Variants in VSIG8 observed in about 807,000 individuals in gnomAD.
VSIG8 encodes the protein V-set and immunoglobulin domain containing 8.
Under a neutral mutation model 42.6 loss-of-function variants are expected in VSIG8, and 32 were observed. That is an observed-to-expected ratio of 0.75 (90% confidence interval 0.57 to 1.01). VSIG8 has a LOEUF of 1.01. Ranked by LOEUF, VSIG8 falls within the 50% of genes least tolerant of loss-of-function variation. The pLI is 0.00. For synonymous variants in VSIG8, 290 were observed against 243.8 expected (o/e 1.19, Z -1.77); for missense variants, 529 against 558.0 (o/e 0.95, Z 0.52).
chr1:159,859,947 C>T (rs1207522661), intron 1 of VSIG8, among the ~76,000 whole-genome samples: 2 of 152,046 alleles, frequency 1.3e-5, no homozygotes, highest in South Asian at 2.1e-4. Flanking sequence ...TATCCCCAAC[C>T]GGTTGGACCT....
Position 159,854,820 on chromosome 1 carries a change from A to T in VSIG8, c.1178T>A (p.Val393Asp), listed in dbSNP as rs1648747877. The change falls in exon 7 of 7, where the codon GTC (valine) becomes GAC (aspartate). Residue 393 changes from valine (V) to aspartate (D), a missense_variant. Physicochemically the swap from Val to Asp is radical, Grantham distance 152. Coordinates refer to ENST00000368100, the MANE Select transcript of VSIG8 (RefSeq NM_001013661.1). ...GCAGTCAGCCGGCTCCGCGCTCTTG[A>T]CCTTGACGTAGACCGGGGAGGGGCC... is the stretch of plus-strand genomic sequence containing the variant. ...EAGPSPVYVK[V>D]KSAEPADCAE... 1 of 1,501,360 alleles carries T rather than the reference A, an allele frequency of 6.7e-7. No homozygotes were observed. The highest frequency in any genetic ancestry group is 8.8e-7 in the Non-Finnish European group (1 of 1,132,698). The allele number at this position is 1,501,360 out of a possible 1,614,324, so 93.0% of individuals were successfully genotyped here. A position where few individuals can be genotyped will look rare whatever the true frequency, so the allele number is the denominator to read the frequency against.
rs774559632 is a variant in VSIG8 at position 159,858,186 on chromosome 1, T to C, written c.334A>G (p.Asn112Asp). 2 of 1,614,250 alleles carry C rather than the reference T, an allele frequency of 1.2e-6. No homozygotes were observed. The highest frequency in any genetic ancestry group is 2.2e-5 in the South Asian group (2 of 91,086). ...SDPSQYDASI[N>D]LMNLQVSDTA... is the part of the protein sequence containing the mutation. The stretch of plus-strand genomic sequence containing the variant: ...TCAGATACCTGCAGGTTCATGAGGT[T>C]GATGGAGGCATCGTACTGGCTTGGG... Residue 112 changes from asparagine to aspartate, a missense_variant, in exon 3 of 7, where the codon AAC (asparagine) becomes GAC (aspartate). By Grantham distance (23) the Asn-to-Asp change is conservative. Transcript: ENST00000368100.
intron 5 of VSIG8, 85 bp from the exon 6 acceptor site, chr1:159,856,166 G>A: frequency 1.4e-6 from 2 of 1,385,926 alleles, no homozygotes; most frequent in Admixed American, 4.2e-5. Flanking sequence ...GCCAGGTCAG[G>A]GGTTAATGGG....
chr1:159,855,625 A>C (rs1049329678), intron 6 of VSIG8: 1 of 978,836 alleles, frequency 1.0e-6, no homozygotes, highest in African/African-American at 1.8e-5. Context: ...CCAGGAGCTT[A>C]CAGTCTAGAC....
chr1:159,857,717 C>A (rs561162388), intron 4 of VSIG8, 28 bp downstream of exon 4: 1 of 1,599,590 alleles, frequency 6.3e-7, no homozygotes, highest in Middle Eastern at 1.7e-4. Flanking sequence ...CACTCACCCC[C>A]GACTGCCCTC....
intron 5 of VSIG8, 37 bp from the exon 6 acceptor site, chr1:159,856,118 C>T (rs765554230): frequency 1.9e-6 from 3 of 1,584,860 alleles, no homozygotes; most frequent in Non-Finnish European, 1.7e-6. Flanking sequence ...GGCTTTCTCA[C>T]AGCCTGGCAG....
intron 6 of VSIG8, chr1:159,855,406 C>T: frequency 1.4e-6 from 2 of 1,423,984 alleles, no homozygotes; most frequent in Non-Finnish European, 1.8e-6. Flanking sequence ...TCTTTCTCAC[C>T]TCCTGCCCCT....
chr1:159,860,109 T>C (rs1435737670), intron 1 of VSIG8, among the ~76,000 whole-genome samples: 2 of 152,210 alleles, frequency 1.3e-5, no homozygotes, highest in African/African-American at 4.8e-5. Context: ...ACATGTCTTC[T>C]GGAGTCACAG....
In VSIG8 at chr1:159,854,629, C is replaced by A; in HGVS notation, c.*124G>T. The A allele has an allele frequency of 7.5e-7, 1 of 1,338,362 alleles. No individual in the cohort carries two copies. The highest frequency in any genetic ancestry group is 9.5e-7 in the Non-Finnish European group (1 of 1,048,874). 82.9% of individuals were successfully genotyped at this position (1,338,362 alleles called of 1,614,324 possible). ...GCATTTCCTTAGGGAAATGCCTTCA[C>A]CCCCAGCCGCCTGGCAGCCTGGGGC... is the stretch of plus-strand genomic sequence containing the variant. On this transcript the variant is annotated 3_prime_UTR_variant, in exon 7 of 7. Coordinates refer to ENST00000368100, the MANE Select transcript of VSIG8 (RefSeq NM_001013661.1).
In VSIG8 at chr1:159,862,654, G is replaced by A; in HGVS notation, c.-133C>T. 1.3e-6 allele frequency: 1 copy of A among 786,468 alleles called. No individual in the cohort carries two copies. 48.7% of individuals were successfully genotyped at this position (786,468 alleles called of 1,614,324 possible). ...GCCTGGGGTGGCAGGAAGGTGCAAT[G>A]AGTGCCCAGCTGGGGAGCAGCTGGA... On this transcript the variant is annotated 5_prime_UTR_variant, in exon 1 of 7. Coordinates refer to ENST00000368100, the MANE Select transcript of VSIG8 (RefSeq NM_001013661.1).
chr1:159,855,431 T>A, intron 6 of VSIG8: 2 of 1,416,186 alleles, frequency 1.4e-6, no homozygotes, highest in Non-Finnish European at 1.8e-6. Context: ...CTTCTCCATC[T>A]TTCCCTCCAT....
At chr1:159,861,288 G>A (rs1002216971) in intron 1 of VSIG8, 1 of 151,970 alleles carries the variant, frequency 6.6e-6, no homozygotes, top group African/African-American at 2.4e-5. Context: ...CTCAATAGTG[G>A]TGCCTACTCT....
At position 159,854,763 on chromosome 1, in the gene VSIG8, A is replaced by G; in HGVS notation, c.1235T>C (p.Leu412Pro). ...AEGPVQCKNG[L>P]LV ...GCCCGGCGCGCGCGCTCACACCAAGAGGCCGTTCTTGCACTGCACCGGCCC... is the reference window on the plus strand; with the variant it reads ...GCCCGGCGCGCGCGCTCACACCAAGGGGCCGTTCTTGCACTGCACCGGCCC... Residue 412 changes from leucine (L) to proline (P), a missense_variant, in exon 7 of 7, where the codon CTC (leucine) becomes CCC (proline). Leu to Pro is a moderately conservative substitution (Grantham distance 98). Coordinates refer to ENST00000368100, the MANE Select transcript of VSIG8 (RefSeq NM_001013661.1). 9.4e-6 allele frequency: 14 copies of G among 1,492,400 alleles called. No homozygotes were observed. Among genetic ancestry groups the G allele is most frequent in the Non-Finnish European group, 1.2e-5 (14 of 1,128,578 alleles). 92.4% of individuals were successfully genotyped at this position (1,492,400 alleles called of 1,614,324 possible).
In VSIG8 at chr1:159,854,663, T is replaced by C; in HGVS notation, c.*90A>G. On this transcript the variant is annotated 3_prime_UTR_variant, in exon 7 of 7. Transcript: ENST00000368100. ...GCCTGGCAGCCTGGGGCGAGCGAGG[T>C]CGTCCCCAGCCCCGACGTGTCCCCA... The C allele has an allele frequency of 7.4e-7, 1 of 1,347,228 alleles. No individual in the cohort carries two copies. Among genetic ancestry groups the C allele is most frequent in the South Asian group, 1.8e-5 (1 of 55,188 alleles). The allele number at this position is 1,347,228 out of a possible 1,614,324, so 83.5% of individuals were successfully genotyped here.
At chr1:159,855,185 T>A (rs1230319134) in intron 6 of VSIG8, 159 bp from the exon 7 acceptor site, 2 of 1,551,712 alleles carry the variant, frequency 1.3e-6, no homozygotes, top group South Asian at 1.2e-5. Flanking sequence ...CTGTCCTTTG[T>A]GACCCTTCCT....
chr1:159,854,330 T>G lies in VSIG8; in HGVS notation c.*423A>C, dbSNP rs376426176. 358 of 163,676 alleles carry G rather than the reference T, an allele frequency of 2.2e-3. 2 individuals carry two copies. Among genetic ancestry groups the G allele is most frequent in the African/African-American group, 8.3e-3 (347 of 42,058 alleles). 10.1% of individuals were successfully genotyped at this position (163,676 alleles called of 1,614,324 possible). A position where few individuals can be genotyped will look rare whatever the true frequency, so the allele number is the denominator to read the frequency against. ...CCACTTCGGACTCACGTCTCAATGT[T>G]TCTTTATTGTGCTAACACTGCTGCC... On this transcript the variant is annotated 3_prime_UTR_variant, in exon 7 of 7. Transcript: ENST00000368100.
intron 4 of VSIG8, among the ~76,000 whole-genome samples, chr1:159,857,326 C>T (rs12088343): frequency 0.098 from 14,850 of 152,114 alleles, 792 homozygotes; most frequent in South Asian, 0.21. Context: ...GTAATCCTAG[C>T]GCTTTGGGAG....
Position 159,854,661 on chromosome 1 carries a change from G to A in VSIG8, c.*92C>T. The A allele has an allele frequency of 7.4e-7, 1 of 1,349,788 alleles. No homozygotes were observed. The highest frequency in any genetic ancestry group is 1.8e-5 in the South Asian group (1 of 55,770). The allele number at this position is 1,349,788 out of a possible 1,614,324, so 83.6% of individuals were successfully genotyped here. A position where few individuals can be genotyped will look rare whatever the true frequency, so the allele number is the denominator to read the frequency against. ...CCGCCTGGCAGCCTGGGGCGAGCGA[G>A]GTCGTCCCCAGCCCCGACGTGTCCC... On this transcript the variant is annotated 3_prime_UTR_variant, in exon 7 of 7. Transcript: ENST00000368100.
At chr1:159,855,463 A>C in intron 6 of VSIG8, 1 of 1,413,260 alleles carries the variant, frequency 7.1e-7, no homozygotes, top group South Asian at 1.6e-5. Context: ...TGCAATCATT[A>C]GCACTACTAG....
Sources: allele counts gnomAD v4.1 joint callset (sites outside exome capture counted in the v4.1 genomes callset), GRCh38; gene constraint gnomAD v4.1.1; transcripts MANE v1.5; gene names NCBI Gene and HGNC (gene_info 2026-07-23, HGNC 2026-07-21).